ASTN2: variants seen among roughly 807,000 people sequenced by gnomAD.
The protein encoded by ASTN2 is astrotactin 2.
A neutral mutation model predicts 139.8 loss-of-function variants in ASTN2; 54 were observed. The observed-to-expected ratio is 0.39, with a 90% confidence interval of 0.31 to 0.48. The LOEUF (loss-of-function observed/expected upper bound fraction) is 0.48. ASTN2 is among the 20% of genes least tolerant of loss of function. The pLI is 0.95. For missense variants in ASTN2, 1,565 were observed against 1,725.1 expected, an observed-to-expected ratio of 0.91 and a Z score of 1.64; for synonymous variants, 756 against 719.5, an observed-to-expected ratio of 1.05 and a Z score of -0.81.
chr9:116,741,390 T>C (rs1829093052), intron 13 of ASTN2, among the ~76,000 whole-genome samples: 2 of 152,174 alleles, frequency 1.3e-5, no homozygotes, highest in Non-Finnish European at 2.9e-5. Context: ...CCTGGTTCTC[T>C]GGCTCTTCCT....
chr9:117,242,608 C>T (rs2133076179), intron 2 of ASTN2, among the ~76,000 whole-genome samples: 1 of 152,318 alleles, frequency 6.6e-6, no homozygotes, highest in African/African-American at 2.4e-5. Flanking sequence ...GCCTTGGAGA[C>T]ATCATGGAGG....
At chr9:116,999,853 C>G (rs1460284930) in intron 7 of ASTN2, among the ~76,000 whole-genome samples, 3 of 152,032 alleles carry the variant, frequency 2.0e-5, no homozygotes, top group African/African-American at 4.8e-5. Flanking sequence ...AGCCACCATG[C>G]CTGGCCAGTA....
At chr9:116,657,673 C>T (rs1184022499) in intron 16 of ASTN2, among the ~76,000 whole-genome samples, 1 of 152,076 alleles carries the variant, frequency 6.6e-6, no homozygotes, top group Non-Finnish European at 1.5e-5. Context: ...AAACCCCATG[C>T]CGATGAAAAA....
At chr9:116,933,258 G>A (rs1359938908) in intron 10 of ASTN2, among the ~76,000 whole-genome samples, 1 of 152,054 alleles carries the variant, frequency 6.6e-6, no homozygotes, top group Non-Finnish European at 1.5e-5. Flanking sequence ...CACCCCTCCT[G>A]GATTCTTCTT....
intron 7 of ASTN2, among the ~76,000 whole-genome samples, chr9:116,985,270 G>A (rs538709400): frequency 6.6e-6 from 1 of 152,290 alleles, no homozygotes; most frequent in Admixed American, 6.5e-5. Context: ...TGTAGCTGCC[G>A]GCCCCTTATT....
intron 5 of ASTN2, among the ~76,000 whole-genome samples, chr9:117,052,785 C>T (rs1838951245): frequency 6.6e-6 from 1 of 152,242 alleles, no homozygotes; most frequent in African/African-American, 2.4e-5. Context: ...AATCAGAAAA[C>T]CAGCTCAGGG....
At chr9:116,758,350 G>A (rs748009794) in intron 13 of ASTN2, among the ~76,000 whole-genome samples, 6 of 152,148 alleles carry the variant, frequency 3.9e-5, no homozygotes, top group Non-Finnish European at 8.8e-5. Flanking sequence ...TTCCTGAGCA[G>A]TATGGGCTTG....
intron 13 of ASTN2, among the ~76,000 whole-genome samples, chr9:116,747,618 A>G (rs1434470460): frequency 2.0e-5 from 3 of 151,942 alleles, no homozygotes; most frequent in African/African-American, 4.8e-5. Context: ...TCTACCACCT[A>G]TCTCTCCAAC....
intron 2 of ASTN2, among the ~76,000 whole-genome samples, chr9:117,264,103 T>C (rs898064552): frequency 8.5e-5 from 13 of 152,152 alleles, no homozygotes; most frequent in Non-Finnish European, 1.8e-4. Context: ...TTGAAAAAAA[T>C]ACAGTTTATT....
intron 13 of ASTN2, among the ~76,000 whole-genome samples, chr9:116,747,440 G>A (rs762479874): frequency 1.3e-5 from 2 of 152,126 alleles, no homozygotes; most frequent in Non-Finnish European, 2.9e-5. Context: ...TTTGTTAAAC[G>A]TATATCATGT....
intron 7 of ASTN2, among the ~76,000 whole-genome samples, chr9:116,984,754 A>C (rs1044646916): frequency 6.6e-6 from 1 of 152,212 alleles, no homozygotes; most frequent in Non-Finnish European, 1.5e-5. Flanking sequence ...TACAGCCCTG[A>C]ATCCTCTGCA....
At chr9:116,899,063 G>C (rs944938116) in intron 10 of ASTN2, among the ~76,000 whole-genome samples, 38 of 152,142 alleles carry the variant, frequency 2.5e-4, no homozygotes, top group African/African-American at 8.0e-4. Flanking sequence ...TATTAACAAG[G>C]TTTTGATGTT....
At chr9:116,548,036 AC>A (rs1012295868) in intron 19 of ASTN2, among the ~76,000 whole-genome samples, 5 of 152,144 alleles carry the variant, frequency 3.3e-5, no homozygotes, top group Non-Finnish European at 1.5e-5. Context: ...AAAGCAGCAA[AC>A]CTGCGTCCTC....
At chr9:116,833,782 T>C (rs2132289349) in intron 11 of ASTN2, among the ~76,000 whole-genome samples, 1 of 152,318 alleles carries the variant, frequency 6.6e-6, no homozygotes, top group South Asian at 2.1e-4. Flanking sequence ...AAGATTTGTA[T>C]GTTGAAATCC....
chr9:116,427,839 C>G (rs10817887), intron 22 of ASTN2, among the ~76,000 whole-genome samples: 35,094 of 152,294 alleles, frequency 0.23, 5,039 homozygotes, highest in Admixed American at 0.39. Context: ...AAGTGCCCCC[C>G]CCAAGAGGAG....
At position 117,204,690 on chromosome 9, in the gene ASTN2, T is replaced by C. The variant is rs573773331; in HGVS notation, c.1015+9668A>G. On this transcript the variant is annotated intron_variant, in intron 3 of 22. Coordinates refer to ENST00000313400, the MANE Select transcript of ASTN2 (RefSeq NM_001365068.1). ...GGGCTAGGAAAACTCCTCCAGCATT[T>C]GGAGTTCATTTATCATTGGATACCC... Among the ~76,000 whole-genome samples, 4 of 152,306 alleles carry C rather than the reference T, an allele frequency of 2.6e-5. No homozygotes were observed. The South Asian group carries it at 8.3e-4, about 32-fold the overall frequency.
chr9:116,836,898 T>C (rs1432750703), intron 11 of ASTN2, among the ~76,000 whole-genome samples: 2 of 152,042 alleles, frequency 1.3e-5, no homozygotes, highest in African/African-American at 4.8e-5. Flanking sequence ...TACATTTTTT[T>C]TTTAAAAGAA....
chr9:116,885,828 A>G (rs1178661905), intron 10 of ASTN2, among the ~76,000 whole-genome samples: 1 of 152,186 alleles, frequency 6.6e-6, no homozygotes, highest in Non-Finnish European at 1.5e-5. Flanking sequence ...TATGTTCAAT[A>G]AGGCTGTTTG....
intron 9 of ASTN2, among the ~76,000 whole-genome samples, chr9:116,975,836 T>C (rs1836327758): frequency 6.6e-6 from 1 of 152,220 alleles, no homozygotes; most frequent in Non-Finnish European, 1.5e-5. Context: ...AGAGGTTCTA[T>C]GGTTACAGAG....
Sources: allele counts gnomAD v4.1 joint callset (sites outside exome capture counted in the v4.1 genomes callset), GRCh38; gene constraint gnomAD v4.1.1; transcripts MANE v1.5; gene names NCBI Gene and HGNC (gene_info 2026-07-23, HGNC 2026-07-21).